The following TRIOBP variants were observed in gnomAD, a reference collection of about 807,000 sequenced individuals.
TRIOBP encodes TRIO and F-actin binding protein, also known as TRIO and F-actin-binding protein.
In TRIOBP, 169 loss-of-function variants were observed where a neutral mutation model predicts 238.8. The ratio of observed to expected loss-of-function variants is 0.71; its 90% CI spans 0.62 to 0.80. The LOEUF (loss-of-function observed/expected upper bound fraction) is 0.80, where lower values mean the gene tolerates loss of function less well. Ranked by LOEUF, TRIOBP falls within the 30% of genes least tolerant of loss-of-function variation. TRIOBP has a pLI of 0.00. For missense variants in TRIOBP, 2,838 were observed against 3,122.6 expected (o/e 0.91, Z 2.17); for synonymous variants, 1,150 against 1,274.4 (o/e 0.90, Z 2.08).
chr22:37,708,870 C>A (rs1923088834), intron 3 of TRIOBP, among the ~76,000 whole-genome samples: 1 of 152,178 alleles, frequency 6.6e-6, no homozygotes, highest in Non-Finnish European at 1.5e-5. Context: ...GTGGGGCCCA[C>A]TCAAGTGGGT....
chr22:37,752,699 C>T (rs1925684982), intron 12 of TRIOBP, among the ~76,000 whole-genome samples: 1 of 152,204 alleles, frequency 6.6e-6, no homozygotes, highest in African/African-American at 2.4e-5. Context: ...TCTAGGCTCA[C>T]ACAAAGCCCG....
rs774931976 is a variant in TRIOBP at position 37,735,273 on chromosome 22, T to C, written c.4937T>C (p.Leu1646Pro). 2 of 1,609,272 alleles carry C rather than the reference T, an allele frequency of 1.2e-6. No individual in the cohort carries two copies. The highest frequency in any genetic ancestry group is 1.3e-5 in the African/African-American group (1 of 74,844). Residue 1646 changes from leucine to proline, a missense_variant, in exon 9 of 24, where the codon CTG becomes CCG. By Grantham distance (98) the Leu-to-Pro change is moderately conservative (BLOSUM62 -3). Transcript: ENST00000644935. ...ATPVNGHSPA[L>P]QSQSPVQLPS... ...CCAGTCAATGGACACAGCCCCGCAC[T>C]GCAGTCCCAGAGCCCGGTCCAGCTG...
chr22:37,759,834 A>G, intron 17 of TRIOBP: 1 of 1,209,218 alleles, frequency 8.3e-7, no homozygotes, highest in Admixed American at 3.6e-5. Context: ...CAACTAGGAC[A>G]AACTAACTCT....
rs1926467223 is a variant in TRIOBP at position 37,765,835 on chromosome 22, G to T, written c.6472+18G>T. The T allele has an allele frequency of 3.2e-6, 5 of 1,584,818 alleles. No homozygotes were observed. Among genetic ancestry groups the T allele is most frequent in the East Asian group, 2.3e-5 (1 of 43,976 alleles). On this transcript the variant is annotated intron_variant, in intron 18 of 23. Transcript: ENST00000644935. ...GGCCTCAGGTATGGACCCTGGGGGG[G>T]GCACAGTGGGCTGGGCTCTGAGCCT... is the stretch of plus-strand genomic sequence containing the variant.
Position 37,724,536 on chromosome 22 carries a change from C to T in TRIOBP, c.1980C>T (p.Ala660=), listed in dbSNP as rs373866977. Residue 660 remains alanine, a synonymous_variant, in exon 7 of 24, where the codon GCC becomes GCT. Coordinates refer to ENST00000644935, the MANE Select transcript of TRIOBP (RefSeq NM_001039141.3). ...GTGCCCGACGGGACGATCCCAGAGC[C>T]TCCTCTCCTAACAGAACCATCCAAC... is the stretch of plus-strand genomic sequence containing the variant. The part of the protein sequence containing the change: ...TSCARRDDPR[A]SSPNRTIQQE... 4.4e-6 allele frequency: 7 copies of T among 1,603,192 alleles called. No individual in the cohort carries two copies. Among genetic ancestry groups the T allele is most frequent in the East Asian group, 2.2e-5 (1 of 44,626 alleles).
chr22:37,709,446 C>T (rs1923119216), intron 3 of TRIOBP, among the ~76,000 whole-genome samples: 1 of 152,232 alleles, frequency 6.6e-6, no homozygotes, highest in Admixed American at 6.5e-5. Flanking sequence ...CTAAGGTTTC[C>T]ACTGCCTCGG....
intron 7 of TRIOBP, among the ~76,000 whole-genome samples, chr22:37,727,208 C>A: frequency 6.7e-6 from 1 of 150,352 alleles, no homozygotes; most frequent in East Asian, 2.0e-4. Flanking sequence ...CGTGCCCGGC[C>A]AAAATGAGAG....
chr22:37,726,644 C>T (rs1924184212), intron 7 of TRIOBP, 141 bp downstream of exon 7: 3 of 846,552 alleles, frequency 3.5e-6, no homozygotes, highest in Non-Finnish European at 5.1e-6. Flanking sequence ...GGGCAAATCG[C>T]TCCATTTCTC....
chr22:37,743,278 G>A (rs1261569657), intron 11 of TRIOBP, among the ~76,000 whole-genome samples: 1 of 152,236 alleles, frequency 6.6e-6, no homozygotes, highest in Non-Finnish European at 1.5e-5. Flanking sequence ...CCAAGAGCCA[G>A]AAAGCCTGGA....
chr22:37,751,883 CTG>C, intron 12 of TRIOBP, 55 bp downstream of exon 12: 1 of 1,346,010 alleles, frequency 7.4e-7, no homozygotes, highest in Non-Finnish European at 9.9e-7. Context: ...TGCTGGGCCC[CTG>C]GGCAGCCCAG....
Position 37,734,952 on chromosome 22 carries a change from G to T in TRIOBP, c.4616G>T (p.Trp1539Leu), listed in dbSNP as rs1252424391. 3 of 1,613,430 alleles carry T rather than the reference G, an allele frequency of 1.9e-6. No individual in the cohort carries two copies. The highest frequency in any genetic ancestry group is 1.7e-6 in the Non-Finnish European group (2 of 1,179,996). Residue 1539 changes from tryptophan to leucine, a missense_variant, in exon 9 of 24, where the codon TGG becomes TTG. By Grantham distance (61) the Trp-to-Leu change is moderately conservative (BLOSUM62 -2). Around this residue, in one of 5 missense-constraint regions of TRIOBP, gnomAD observed 2,096 missense variants for 2,137.4 expected, o/e 0.98. Coordinates refer to ENST00000644935, the MANE Select transcript of TRIOBP (RefSeq NM_001039141.3). ...WHSGTPTAVG[W>L]GAEGACPYPR... ...TCTGGGACACCCACTGCTGTGGGCTGGGGGGCAGAGGGAGCGTGTCCATAC... is the reference window on the plus strand; with the variant it reads ...TCTGGGACACCCACTGCTGTGGGCTTGGGGGCAGAGGGAGCGTGTCCATAC...
chr22:37,704,380 C>CACAGAACAGA (rs1569031477), intron 3 of TRIOBP, among the ~76,000 whole-genome samples: 3 of 133,794 alleles, frequency 2.2e-5, no homozygotes, highest in African/African-American at 5.9e-5. Flanking sequence ...TGGACCCTGA[C>CACAGAACAGA]TCAGAACAGA....
intron 3 of TRIOBP, among the ~76,000 whole-genome samples, chr22:37,707,003 C>G (rs1922977162): frequency 6.6e-6 from 1 of 152,156 alleles, no homozygotes; most frequent in Admixed American, 6.5e-5. Flanking sequence ...CGCGGTGGCT[C>G]ACGCCTGTAA....
At chr22:37,735,887 T>G (rs1924647081) in intron 9 of TRIOBP, among the ~76,000 whole-genome samples, 1 of 152,174 alleles carries the variant, frequency 6.6e-6, no homozygotes, top group Non-Finnish European at 1.5e-5. Flanking sequence ...TTATGTTGTG[T>G]CTGGTGGCAC....
chr22:37,711,578 CAA>C (rs1185976077), intron 4 of TRIOBP, among the ~76,000 whole-genome samples: 4 of 18,034 alleles, frequency 2.2e-4, no homozygotes, highest in African/African-American at 3.4e-4. Flanking sequence ...GGCTCCGTCT[CAA>C]AAAAAAAAAA....
At chr22:37,714,848 A>AT (rs986718565) in intron 5 of TRIOBP, among the ~76,000 whole-genome samples, 4 of 151,496 alleles carry the variant, frequency 2.6e-5, no homozygotes, top group African/African-American at 9.7e-5. Flanking sequence ...AGTTATTATT[A>AT]TTTTTTTTAA....
intron 9 of TRIOBP, among the ~76,000 whole-genome samples, chr22:37,737,816 G>A (rs936011425): frequency 2.0e-5 from 3 of 152,094 alleles, no homozygotes; most frequent in African/African-American, 7.2e-5. Flanking sequence ...GCCACCAAAC[G>A]CCTGTTCATT....
intron 7 of TRIOBP, among the ~76,000 whole-genome samples, chr22:37,731,521 A>G (rs1924421652): frequency 6.6e-6 from 1 of 151,652 alleles, no homozygotes; most frequent in African/African-American, 2.4e-5. Flanking sequence ...CAGTGGCGCG[A>G]TCTCAGCTCA....
At chr22:37,708,248 A>T (rs1490898520) in intron 3 of TRIOBP, among the ~76,000 whole-genome samples, 2 of 9,442 alleles carry the variant, frequency 2.1e-4, no homozygotes, top group Middle Eastern at 0.083. Context: ...TCCGTCTCAC[A>T]AAAAAAAAAA....
Sources: gnomAD v4.1 joint callset for allele counts (sites outside exome capture counted in the v4.1 genomes callset) on GRCh38, gnomAD v4.1.1 for gene constraint, gnomAD v4.1.1 regional missense constraint, MANE v1.5 for transcripts, NCBI Gene and HGNC (gene_info 2026-07-23, HGNC 2026-07-21) for gene names.